The following IQGAP1 variants were observed in gnomAD, a reference collection of about 807,000 sequenced individuals.
IQGAP1 encodes IQ motif containing GTPase activating protein 1, also known as ras GTPase-activating-like protein IQGAP1.
A neutral mutation model predicts 215.6 loss-of-function variants in IQGAP1; 66 were observed. That is an observed-to-expected ratio of 0.31 (90% CI 0.25 to 0.38). The LOEUF (loss-of-function observed/expected upper bound fraction) is 0.38. IQGAP1 is among the 10% of genes least tolerant of loss of function. The pLI, the probability that IQGAP1 is intolerant of heterozygous loss-of-function variation, is 1.00. For missense variants in IQGAP1, 1,712 were observed against 1,997.1 expected, an observed-to-expected ratio of 0.86 and a Z score of 2.72; for synonymous variants, 772 against 728.7, an observed-to-expected ratio of 1.06 and a Z score of -0.96.
intron 33 of IQGAP1, among the ~76,000 whole-genome samples, chr15:90,489,357 A>G (rs1440588844): frequency 6.6e-6 from 1 of 151,894 alleles, no homozygotes; most frequent in African/African-American, 2.4e-5. Flanking sequence ...CAAACTCTTG[A>G]CCTCAAATGA....
chr15:90,392,197 C>T (rs1051422140), intron 2 of IQGAP1, among the ~76,000 whole-genome samples: 2 of 152,142 alleles, frequency 1.3e-5, no homozygotes, highest in African/African-American at 4.8e-5. Context: ...GTCTAGGCTT[C>T]TTTTCTGAGC....
At chr15:90,402,682 A>C (rs1347839762) in intron 2 of IQGAP1, among the ~76,000 whole-genome samples, 2 of 152,238 alleles carry the variant, frequency 1.3e-5, no homozygotes, top group Non-Finnish European at 2.9e-5. Flanking sequence ...AGAAACTAAA[A>C]ATATTTTCTC....
rs115514788 is a variant in IQGAP1 at position 90,492,786 on chromosome 15, C to A, written c.4628+75C>A. The A allele has an allele frequency of 1.9e-3, 2,446 of 1,266,526 alleles. 42 individuals are homozygous for A. In the African/African-American group the frequency reaches 0.032, roughly 17 times the overall value. 78.5% of individuals were successfully genotyped at this position (1,266,526 alleles called of 1,614,324 possible). A position where few individuals can be genotyped will look rare whatever the true frequency, so the allele number is the denominator to read the frequency against. ...AAAAGCAGAGGCAACTGAAATGACA[C>A]TGGAAATTTTTACTTAAAATACACT... is the stretch of plus-strand genomic sequence containing the variant. On this transcript the variant is annotated intron_variant, in intron 35 of 37. Transcript: ENST00000268182.
intron 2 of IQGAP1, among the ~76,000 whole-genome samples, chr15:90,415,709 A>G (rs1965037641): frequency 6.6e-6 from 1 of 151,988 alleles, no homozygotes; most frequent in African/African-American, 2.4e-5. Context: ...GGTCAATTCT[A>G]CCTTTGTAAT....
chr15:90,443,306 G>A, intron 8 of IQGAP1, 88 bp from the exon 9 acceptor site: 1 of 764,098 alleles, frequency 1.3e-6, no homozygotes, highest in South Asian at 1.6e-5. Context: ...TCTTGGTAGT[G>A]TTATGGTGCA....
chr15:90,452,716 C>T, intron 11 of IQGAP1, 59 bp from the exon 12 acceptor site: 2 of 1,548,100 alleles, frequency 1.3e-6, no homozygotes, highest in Non-Finnish European at 1.8e-6. Context: ...AGATTGGCAC[C>T]TTCTTCCCCT....
intron 3 of IQGAP1, among the ~76,000 whole-genome samples, chr15:90,428,421 GA>G (rs1965256640): frequency 6.6e-6 from 1 of 151,960 alleles, no homozygotes; most frequent in Admixed American, 6.6e-5. Context: ...GACAACTCTG[GA>G]GCTATTCTGT....
chr15:90,492,520 TC>T, intron 34 of IQGAP1, 24 bp from the exon 35 acceptor site: 1 of 1,576,758 alleles, frequency 6.3e-7, no homozygotes, highest in African/African-American at 1.4e-5. Flanking sequence ...TCGTTATTTT[TC>T]TAACTTTAAT....
chr15:90,471,046 T>C (rs369066870), intron 18 of IQGAP1, among the ~76,000 whole-genome samples: 27 of 152,200 alleles, frequency 1.8e-4, no homozygotes, highest in African/African-American at 6.5e-4. Context: ...CCTAAATCTG[T>C]ACCTCCAGAC....
intron 35 of IQGAP1, 73 bp downstream of exon 35, chr15:90,492,784 C>A: frequency 7.8e-7 from 1 of 1,282,174 alleles, no homozygotes; most frequent in Non-Finnish European, 1.1e-6. Flanking sequence ...ACTGAAATGA[C>A]ACTGGAAATT....
intron 2 of IQGAP1, among the ~76,000 whole-genome samples, chr15:90,393,094 A>C (rs1415275901): frequency 1.7e-5 from 2 of 115,020 alleles, no homozygotes; most frequent in Non-Finnish European, 3.4e-5. Context: ...CATTAGAATC[A>C]CCTGGGGAAC....
rs1194727030 is a variant in IQGAP1, at chr15:90,445,645, TG to T, written c.913+2168del. Among the ~76,000 whole-genome samples the T allele has an allele frequency of 6.6e-5, 10 of 152,302 alleles. No homozygotes were observed. The East Asian group carries it at 1.9e-3, about 29-fold the overall frequency. ...GACTCACCAAAAAAACTAAAAGGTT[TG>T]ATTTCAACCAACTAGGTCAGGCTTA... On this transcript the variant is annotated intron_variant, in intron 9 of 37. Transcript: ENST00000268182.
At chr15:90,421,910 G>A (rs1042971865) in intron 2 of IQGAP1, among the ~76,000 whole-genome samples, 4 of 152,084 alleles carry the variant, frequency 2.6e-5, no homozygotes, top group African/African-American at 9.7e-5. Flanking sequence ...ATCCACCCGC[G>A]TTGGCCTCCC....
At chr15:90,443,249 C>T in intron 8 of IQGAP1, 145 bp from the exon 9 acceptor site, 1 of 516,498 alleles carries the variant, frequency 1.9e-6, no homozygotes, top group East Asian at 3.2e-5. Context: ...GCATGAGTTA[C>T]TGTGCCTGCT....
At chr15:90,394,924 G>C (rs1208991170) in intron 2 of IQGAP1, among the ~76,000 whole-genome samples, 1 of 152,206 alleles carries the variant, frequency 6.6e-6, no homozygotes, top group Non-Finnish European at 1.5e-5. Flanking sequence ...TGTAGAGAGT[G>C]AATATGACTG....
chr15:90,406,878 G>T (rs1441195812), intron 2 of IQGAP1, among the ~76,000 whole-genome samples: 1 of 152,146 alleles, frequency 6.6e-6, no homozygotes, highest in African/African-American at 2.4e-5. Context: ...ACGTTGGTGG[G>T]AAACGAAAAC....
chr15:90,444,046 AGTGAGACTCT>A (rs887754797), intron 9 of IQGAP1, among the ~76,000 whole-genome samples: 2 of 151,636 alleles, frequency 1.3e-5, no homozygotes, highest in Non-Finnish European at 2.9e-5. Flanking sequence ...ACTGGGCAAC[AGTGAGACTCT>A]GTCTCAAAAA....
chr15:90,404,959 T>G (rs1333127019), intron 2 of IQGAP1, among the ~76,000 whole-genome samples: 1 of 152,190 alleles, frequency 6.6e-6, no homozygotes, highest in Non-Finnish European at 1.5e-5. Flanking sequence ...TTACTTTTAG[T>G]TTTTGAATTT....
At chr15:90,473,652 T>G (rs1965936145) in intron 19 of IQGAP1, 63 bp from the exon 20 acceptor site, 6 of 1,234,556 alleles carry the variant, frequency 4.9e-6, no homozygotes, top group Non-Finnish European at 7.0e-6. Context: ...GATGAAAGTT[T>G]TTTTTTAACT....
Sources: allele counts gnomAD v4.1 joint callset (sites outside exome capture counted in the v4.1 genomes callset), GRCh38; gene constraint gnomAD v4.1.1; transcripts MANE v1.5; gene names NCBI Gene and HGNC (gene_info 2026-07-23, HGNC 2026-07-21).